FNBP1L: variants seen among roughly 807,000 people sequenced by gnomAD.
FNBP1L encodes the protein formin binding protein 1 like.
In FNBP1L, 36 loss-of-function variants were observed where a neutral mutation model predicts 91.2. That is an observed-to-expected ratio of 0.39 (90% CI 0.30 to 0.52). The LOEUF (loss-of-function observed/expected upper bound fraction) is 0.52. Ranked by LOEUF, FNBP1L falls within the 20% of genes least tolerant of loss-of-function variation. FNBP1L has a pLI of 0.66. For synonymous variants in FNBP1L, 242 were observed against 237.0 expected (o/e 1.02, Z -0.19); for missense variants, 571 against 732.1 (o/e 0.78, Z 2.54).
intron 10 of FNBP1L, among the ~76,000 whole-genome samples, 197 bp from the exon 11 acceptor site, chr1:93,540,845 T>A: frequency 9.4e-5 from 1 of 10,692 alleles, no homozygotes; most frequent in African/African-American, 7.6e-4. Context: ...CAATGTATGC[T>A]TTTTTTTTTT....
chr1:93,530,903 T>C lies in FNBP1L; in HGVS notation c.639+20T>C, dbSNP rs566645115. On this transcript the variant is annotated intron_variant, in intron 7 of 16. Transcript: ENST00000271234. The stretch of plus-strand genomic sequence containing the variant: ...TACAAGGTAAATCTTAGATATGAAG[T>C]TAATCTAGTTTTAGATTAACTGGTG... 1.3e-6 allele frequency: 2 copies of C among 1,506,540 alleles called. No homozygotes were observed. The highest frequency in any genetic ancestry group is 2.5e-5 in the South Asian group (2 of 79,162). The allele number at this position is 1,506,540 out of a possible 1,614,324, so 93.3% of individuals were successfully genotyped here. A position where few individuals can be genotyped will look rare whatever the true frequency, so the allele number is the denominator to read the frequency against.
At chr1:93,522,499 G>A (rs1161885548) in intron 3 of FNBP1L, among the ~76,000 whole-genome samples, 1 of 152,048 alleles carries the variant, frequency 6.6e-6, no homozygotes, top group Non-Finnish European at 1.5e-5. Context: ...TGACTGATTG[G>A]TATAAAGGGA....
chr1:93,506,117 T>G (rs1384274052), intron 2 of FNBP1L, among the ~76,000 whole-genome samples: 2 of 152,196 alleles, frequency 1.3e-5, no homozygotes, highest in Non-Finnish European at 2.9e-5. Flanking sequence ...ATAAATTTAT[T>G]GATTTATTGA....
At chr1:93,552,306 A>T in intron 16 of FNBP1L, 103 bp from the exon 17 acceptor site, 4 of 1,496,446 alleles carry the variant, frequency 2.7e-6, no homozygotes, top group Non-Finnish European at 3.6e-6. Flanking sequence ...CTGACTATAA[A>T]ATGATAGAGA....
At chr1:93,500,263 GTCCAGGCATATTTTGA>G (rs1670403327) in intron 2 of FNBP1L, among the ~76,000 whole-genome samples, 1 of 152,148 alleles carries the variant, frequency 6.6e-6, no homozygotes, top group South Asian at 2.1e-4. Context: ...TGACTACAAA[GTCCAGGCATATTTTGA>G]TTCAGGGGTC....
At chr1:93,461,504 T>C (rs1048433490) in intron 1 of FNBP1L, among the ~76,000 whole-genome samples, 5 of 152,232 alleles carry the variant, frequency 3.3e-5, no homozygotes, top group Middle Eastern at 3.4e-3. Flanking sequence ...TTTGTAGTTA[T>C]AAGGTGATAG....
Position 93,554,542 on chromosome 1 carries a change from G to T in FNBP1L, c.*2126G>T, listed in dbSNP as rs1672513917. On this transcript the variant is annotated 3_prime_UTR_variant, in exon 17 of 17. Transcript: ENST00000271234. The stretch of plus-strand genomic sequence containing the variant: ...GTCCCAAAAAATCTTTAATTTTTTG[G>T]TAATTTTTACTCTTTTTGTGCACAT... 6.6e-6 allele frequency: 1 copy of T among 152,510 alleles called. No homozygotes were observed. The highest frequency in any genetic ancestry group is 2.4e-5 in the African/African-American group (1 of 41,392). 9.4% of individuals were successfully genotyped at this position (152,510 alleles called of 1,614,324 possible).
At chr1:93,532,264 T>G (rs973722550) in intron 7 of FNBP1L, among the ~76,000 whole-genome samples, 4 of 151,834 alleles carry the variant, frequency 2.6e-5, no homozygotes, top group African/African-American at 4.8e-5. Context: ...GTCAAGAGAT[T>G]GAGACCATCC....
chr1:93,524,945 C>T (rs1257916268), intron 5 of FNBP1L, among the ~76,000 whole-genome samples: 3 of 151,866 alleles, frequency 2.0e-5, no homozygotes, highest in Non-Finnish European at 4.4e-5. Context: ...TTCCCCAAGG[C>T]ACTTGCTCAT....
chr1:93,451,567 GC>G (rs926876476), intron 1 of FNBP1L, among the ~76,000 whole-genome samples: 4 of 152,082 alleles, frequency 2.6e-5, no homozygotes, highest in African/African-American at 9.7e-5. Flanking sequence ...TCTTTTTTAT[GC>G]CTTAATTTCT....
At chr1:93,515,551 G>A (rs1267298928) in intron 2 of FNBP1L, among the ~76,000 whole-genome samples, 1 of 152,062 alleles carries the variant, frequency 6.6e-6, no homozygotes, top group Non-Finnish European at 1.5e-5. Context: ...TTAAGAAAAT[G>A]TGGCACATAT....
chr1:93,479,666 T>G (rs1291534348), intron 1 of FNBP1L, among the ~76,000 whole-genome samples: 1 of 152,198 alleles, frequency 6.6e-6, no homozygotes, highest in East Asian at 1.9e-4. Flanking sequence ...GAAAAGAATT[T>G]AGCGATATCT....
chr1:93,524,947 C>G (rs905461643), intron 5 of FNBP1L, among the ~76,000 whole-genome samples: 1 of 151,810 alleles, frequency 6.6e-6, no homozygotes, highest in Non-Finnish European at 1.5e-5. Context: ...CCCCAAGGCA[C>G]TTGCTCATGT....
At chr1:93,469,998 G>A (rs1324045567) in intron 1 of FNBP1L, among the ~76,000 whole-genome samples, 1 of 152,034 alleles carries the variant, frequency 6.6e-6, no homozygotes. Context: ...ATGTAATTGT[G>A]GTGTTAAAGT....
intron 1 of FNBP1L, among the ~76,000 whole-genome samples, chr1:93,485,151 T>TA (rs34866392): frequency 0.57 from 71,890 of 125,776 alleles, 20,624 homozygotes; most frequent in Non-Finnish European, 0.65. Context: ...ACCCTATCTC[T>TA]AAAAAAAAAA....
rs1671793046 is a variant in FNBP1L at position 93,534,824 on chromosome 1, C to T, written c.906C>T (p.Ser302=). The change falls in exon 9 of 17, where the codon TCC becomes TCT. Residue 302 remains serine (S), a synonymous_variant. Transcript: ENST00000271234. The part of the protein sequence containing the change: ...RTISDGTISA[S]KQESGKMDAK... The stretch of plus-strand genomic sequence containing the variant: ...TTTCTGATGGGACTATCAGTGCATC[C>T]AAACAGGAGAGTGGGAAGATGGATG... The T allele has an allele frequency of 2.5e-6, 4 of 1,577,240 alleles. No homozygotes were observed. Among genetic ancestry groups the T allele is most frequent in the Non-Finnish European group, 3.4e-6 (4 of 1,160,114 alleles).
At chr1:93,518,573 A>C (rs1671209644) in intron 2 of FNBP1L, among the ~76,000 whole-genome samples, 6 of 152,204 alleles carry the variant, frequency 3.9e-5, no homozygotes, top group African/African-American at 1.2e-4. Flanking sequence ...TGGTAGTGCC[A>C]CTAATGTAAG....
intron 1 of FNBP1L, among the ~76,000 whole-genome samples, chr1:93,466,550 C>G (rs1408101758): frequency 1.3e-5 from 2 of 152,058 alleles, no homozygotes; most frequent in Non-Finnish European, 2.9e-5. Context: ...TGTTCTGTTC[C>G]ATTGGTCTAT....
At chr1:93,551,275 A>G in intron 16 of FNBP1L, 170 bp downstream of exon 16, 1 of 1,274,346 alleles carries the variant, frequency 7.8e-7, no homozygotes, top group South Asian at 3.3e-5. Flanking sequence ...TGATCTTGTG[A>G]ATATTACCAC....
Sources: allele counts gnomAD v4.1 joint callset (sites outside exome capture counted in the v4.1 genomes callset), GRCh38; gene constraint gnomAD v4.1.1; transcripts MANE v1.5; gene names NCBI Gene and HGNC (gene_info 2026-07-23, HGNC 2026-07-21).